The following SEC16A variants were observed in gnomAD, a reference collection of about 807,000 sequenced individuals.
SEC16A encodes the protein protein transport protein Sec16A.
Under a neutral mutation model 221.9 loss-of-function variants are expected in SEC16A, and 110 were observed. The ratio of observed to expected loss-of-function variants is 0.50; its 90% CI spans 0.42 to 0.58. The LOEUF is 0.58. SEC16A is among the 20% of genes least tolerant of loss of function. The pLI is 0.00. For missense variants in SEC16A, 3,165 were observed against 3,097.8 expected (o/e 1.02, Z -0.52); for synonymous variants, 1,393 against 1,257.7 (o/e 1.11, Z -2.28).
intron 3 of SEC16A, 124 bp from the exon 4 acceptor site, chr9:136,472,235 G>A (rs916915465): frequency 9.9e-6 from 11 of 1,113,166 alleles, no homozygotes; most frequent in African/African-American, 3.1e-5. Context: ...GAGCAAGCTC[G>A]TCCAACAACC....
chr9:136,441,758 G>A lies in SEC16A; in HGVS notation c.7071C>T (p.Asn2357=). Residue 2357 remains asparagine, a synonymous_variant, in exon 32 of 32, where the codon AAC becomes AAT. Coordinates refer to ENST00000684901, the MANE Select transcript of SEC16A (RefSeq NM_014866.2). ...RIGQRKHLVL[N] ...GCAAGTTCACAGCAGGGCAAGCCTA[G>A]TTCAGCACCAGGTGCTTCCTCTGGC... The A allele has an allele frequency of 6.2e-7, 1 of 1,613,374 alleles. No homozygotes were observed.
rs1009517990 is a variant in SEC16A, at chr9:136,459,701, C to G, written c.5191+56G>C. The G allele has an allele frequency of 6.9e-7, 1 of 1,457,172 alleles. No individual in the cohort carries two copies. The highest frequency in any genetic ancestry group is 9.4e-7 in the Non-Finnish European group (1 of 1,062,094). The allele number at this position is 1,457,172 out of a possible 1,614,324, so 90.3% of individuals were successfully genotyped here. A position where few individuals can be genotyped will look rare whatever the true frequency, so the allele number is the denominator to read the frequency against. ...GATTTCTGCCAACGCCACAGACAAC[C>G]GGGCCTTCGGCGCTCCATCCGCGAC... On this transcript the variant is annotated intron_variant, in intron 15 of 31. Coordinates refer to ENST00000684901, the MANE Select transcript of SEC16A (RefSeq NM_014866.2). The surrounding 1 kb of genome is among the most constrained non-coding windows in gnomAD (Gnocchi z 6.1).
In SEC16A at chr9:136,455,755, C is replaced by T. The variant is rs929922939; in HGVS notation, c.5703G>A (p.Pro1901=). The T allele has an allele frequency of 1.1e-5, 18 of 1,600,366 alleles. No homozygotes were observed. The East Asian group carries it at 2.7e-4, about 24-fold the overall frequency. The part of the protein sequence containing the change: ...AGVWHQDGAL[P]QQCPGTPSSE... ...AACTCGGAGTGCCAGGACACTGCTG[C>T]GGGAGGGCTCCATCCTGATGCCATA... Residue 1901 remains proline, a synonymous_variant, in exon 20 of 32, where the codon CCG becomes CCA. Transcript: ENST00000684901.
chr9:136,457,232 G>C (rs1172213709), intron 18 of SEC16A, among the ~76,000 whole-genome samples: 1 of 152,230 alleles, frequency 6.6e-6, no homozygotes, highest in African/African-American at 2.4e-5. Flanking sequence ...CGCTGCCAAG[G>C]CTCTGTGCTG....
chr9:136,444,911 T>A, intron 30 of SEC16A, 141 bp downstream of exon 30: 2 of 593,344 alleles, frequency 3.4e-6, no homozygotes, highest in Non-Finnish European at 6.0e-6. Flanking sequence ...AGGAACCCTG[T>A]ACCCTTGGTC....
intron 17 of SEC16A, among the ~76,000 whole-genome samples, chr9:136,458,620 TCGGTCTCAAAAAAAAAAAAAAAGCTCATA>T (rs1839044248): frequency 7.1e-6 from 1 of 141,480 alleles, no homozygotes; most frequent in Non-Finnish European, 1.5e-5. Flanking sequence ...AGAGCGAGAC[TCGGTCTCAAAAAAAAAAAAAAAGCTCATA>T]CAGGCTAGGT....
In SEC16A at chr9:136,455,774, T is replaced by A; in HGVS notation, c.5684A>T (p.His1895Leu). Residue 1895 changes from histidine (H) to leucine (L), a missense_variant, in exon 20 of 32, where the codon CAT (histidine) becomes CTT (leucine). Coordinates refer to ENST00000684901, the MANE Select transcript of SEC16A (RefSeq NM_014866.2). ...CTGCTGCGGGAGGGCTCCATCCTGA[T>A]GCCATACTCCAGCCCCCTCCTGAGG... is the stretch of plus-strand genomic sequence containing the variant. The part of the protein sequence containing the change: ...RQIKEGAGVW[H>L]QDGALPQQCP... 1 of 1,600,660 alleles carries A rather than the reference T, an allele frequency of 6.2e-7. No homozygotes were observed. Among genetic ancestry groups the A allele is most frequent in the Non-Finnish European group, 8.5e-7 (1 of 1,173,846 alleles).
rs771965714 is a variant in SEC16A, at chr9:136,474,482, G to T, written c.3134C>A (p.Thr1045Lys). 2.0e-5 allele frequency: 32 copies of T among 1,612,946 alleles called. No homozygotes were observed. The highest frequency in any genetic ancestry group is 1.0e-4 in the Admixed American group (6 of 59,994). ...PNLDRFYQQV[T>K]KDAQGQPGLE... ...GCCAGGCTGGCCCTGGGCATCTTTC[G>T]TGACCTGCTGATAAAAACGGTCAAG... is the stretch of plus-strand genomic sequence containing the variant. The change falls in exon 3 of 32, where the codon ACG becomes AAG. Residue 1045 changes from threonine to lysine, a missense_variant. Physicochemically the swap from Thr to Lys is moderately conservative, Grantham distance 78. This residue lies in a region of SEC16A where 2,030 missense variants were observed against 1,923.1 expected (regional missense o/e 1.06). Transcript: ENST00000684901.
In SEC16A at chr9:136,440,438, T is replaced by C. The variant is rs1836067461; in HGVS notation, c.*1317A>G. Reference sequence around the variant, plus strand: ...ACAGAAAGCCAGGAAGGATCTGTGCTAATTCCACATTCTACAATTTCTACA... The same window carrying C: ...ACAGAAAGCCAGGAAGGATCTGTGCCAATTCCACATTCTACAATTTCTACA... On this transcript the variant is annotated 3_prime_UTR_variant, in exon 32 of 32. Transcript: ENST00000684901. The C allele has an allele frequency of 1.3e-5, 2 of 152,604 alleles. 1 individual carries two copies. Among genetic ancestry groups the C allele is most frequent in the South Asian group, 4.1e-4 (2 of 4,836 alleles). 9.5% of individuals were successfully genotyped at this position (152,604 alleles called of 1,614,324 possible). A position where few individuals can be genotyped will look rare whatever the true frequency, so the allele number is the denominator to read the frequency against.
At chr9:136,468,267 G>C (rs1238012899) in intron 5 of SEC16A, 148 bp downstream of exon 5, 1 of 481,920 alleles carries the variant, frequency 2.1e-6, no homozygotes, top group Non-Finnish European at 3.7e-6. Context: ...AACTATTTTG[G>C]CTTTTGGGCA....
In SEC16A at chr9:136,476,006, G is replaced by C. The variant is rs1475638762; in HGVS notation, c.1610C>G (p.Ala537Gly). The change falls in exon 3 of 32, where the codon GCC becomes GGC. Residue 537 changes from alanine to glycine, a missense_variant. Coordinates refer to ENST00000684901, the MANE Select transcript of SEC16A (RefSeq NM_014866.2). ...TGTGCCAACCAGCTCCTGGGGCCTG[G>C]CTGAGCCTGAGAGCCTTCCGTGGCT... Reference protein sequence around the residue: ...SRSHGRLSGSARPQELVGTFI... With the variant: ...SRSHGRLSGSGRPQELVGTFI... 1 of 1,613,338 alleles carries C rather than the reference G, an allele frequency of 6.2e-7. No homozygotes were observed. Among genetic ancestry groups the C allele is most frequent in the Non-Finnish European group, 8.5e-7 (1 of 1,179,886 alleles).
At chr9:136,443,632 G>C (rs1282868900) in intron 31 of SEC16A, among the ~76,000 whole-genome samples, 191 bp downstream of exon 31, 2 of 152,226 alleles carry the variant, frequency 1.3e-5, no homozygotes, top group African/African-American at 4.8e-5. Context: ...AGTGAGCTGA[G>C]ATCAGAGATC....
intron 5 of SEC16A, 57 bp downstream of exon 5, chr9:136,468,358 A>C: frequency 9.5e-7 from 1 of 1,057,616 alleles, no homozygotes; most frequent in Non-Finnish European, 1.5e-6. Context: ...GCATGTCATC[A>C]GTGTCTTTTG....
intron 23 of SEC16A, chr9:136,448,936 A>T (rs545456205): frequency 6.0e-6 from 4 of 661,540 alleles, no homozygotes; most frequent in Non-Finnish European, 8.4e-6. Context: ...CTGGAGATGG[A>T]TGGTGGTGAT....
At chr9:136,444,263 G>A (rs1198418768) in intron 30 of SEC16A, among the ~76,000 whole-genome samples, 3 of 152,234 alleles carry the variant, frequency 2.0e-5, no homozygotes, top group East Asian at 3.9e-4. Flanking sequence ...CGGAAGGGTC[G>A]CTGCAAGCCT....
chr9:136,463,764 A>C lies in SEC16A; in HGVS notation c.4447-24T>G, dbSNP rs370399652. On this transcript the variant is annotated intron_variant, in intron 9 of 31. Transcript: ENST00000684901. ...GCCTACGAGGAGAGGGCCGTGGGTCAGTGGCAGCCAGTGCGCAGCCACCCT... is the reference window on the plus strand; with the variant it reads ...GCCTACGAGGAGAGGGCCGTGGGTCCGTGGCAGCCAGTGCGCAGCCACCCT... 16 of 1,610,420 alleles carry C rather than the reference A, an allele frequency of 9.9e-6. No individual in the cohort carries two copies. In the African/African-American group the frequency reaches 1.9e-4, roughly 19 times the overall value.
chr9:136,477,242 G>A lies in SEC16A; in HGVS notation c.374C>T (p.Ser125Phe). 3 of 1,613,944 alleles carry A rather than the reference G, an allele frequency of 1.9e-6. No individual in the cohort carries two copies. The highest frequency in any genetic ancestry group is 1.7e-6 in the Non-Finnish European group (2 of 1,179,898). Residue 125 changes from serine to phenylalanine, a missense_variant, in exon 3 of 32, where the codon TCT becomes TTT. Coordinates refer to ENST00000684901, the MANE Select transcript of SEC16A (RefSeq NM_014866.2). ...AGGTGCTGAAGGTGTCAATGCACCA[G>A]AAAACGGACTGGCATGTGCTCTGGG... is the stretch of plus-strand genomic sequence containing the variant. The part of the protein sequence containing the change: ...TQPRAHASPF[S>F]GALTPSAPPG...
chr9:136,445,449 C>T (rs1200465304), intron 29 of SEC16A, among the ~76,000 whole-genome samples, 196 bp downstream of exon 29: 1 of 152,220 alleles, frequency 6.6e-6, no homozygotes, highest in African/African-American at 2.4e-5. Context: ...CCCTGCACCC[C>T]TCCTGGAGCT....
chr9:136,442,942 G>A (rs1156497670), intron 31 of SEC16A, among the ~76,000 whole-genome samples: 3 of 152,204 alleles, frequency 2.0e-5, no homozygotes, highest in Admixed American at 1.3e-4. Flanking sequence ...AAAAAAGCAA[G>A]AGCTACCAGA....
Sources: gnomAD v4.1 joint callset for allele counts (sites outside exome capture counted in the v4.1 genomes callset) on GRCh38, gnomAD v4.1.1 for gene constraint, gnomAD v4.1.1 regional missense constraint, Gnocchi (gnomAD v3.1) non-coding constraint, MANE v1.5 for transcripts, NCBI Gene and HGNC (gene_info 2026-07-23, HGNC 2026-07-21) for gene names.